Variants in TIPIN observed in about 807,000 individuals in gnomAD.
The protein encoded by TIPIN is TIMELESS-interacting protein.
A neutral mutation model predicts 35.6 loss-of-function variants in TIPIN; 29 were observed. That is an observed-to-expected ratio of 0.82 (90% CI 0.61 to 1.11). The LOEUF (loss-of-function observed/expected upper bound fraction) is 1.11, where lower values mean the gene tolerates loss of function less well. TIPIN is among the 50% of genes most tolerant of loss of function. The pLI, the probability that TIPIN is intolerant of heterozygous loss-of-function variation, is 0.00. For synonymous variants in TIPIN, 102 were observed against 121.5 expected (o/e 0.84, Z 1.06); for missense variants, 296 against 345.4 (o/e 0.86, Z 1.13).
intron 1 of TIPIN, chr15:66,371,261 T>C: frequency 1.0e-6 from 1 of 985,114 alleles, no homozygotes; most frequent in Non-Finnish European, 1.2e-6. Flanking sequence ...GTTGTATACT[T>C]TTCTGGTCTC....
intron 1 of TIPIN, among the ~76,000 whole-genome samples, chr15:66,376,202 TGAA>T (rs1432828096): frequency 1.3e-5 from 2 of 152,214 alleles, no homozygotes. Context: ...TCATACATTT[TGAA>T]GATCTTTCTA....
At chr15:66,344,289 G>T (rs906221542) in intron 6 of TIPIN, among the ~76,000 whole-genome samples, 3 of 151,928 alleles carry the variant, frequency 2.0e-5, no homozygotes, top group African/African-American at 7.3e-5. Context: ...TGAACTCAAA[G>T]AACTAATTTT....
intron 1 of TIPIN, chr15:66,382,368 ACTC>A (rs1342961806): frequency 1.0e-6 from 1 of 984,968 alleles, no homozygotes; most frequent in African/African-American, 1.8e-5. Context: ...AGTTAAATGT[ACTC>A]CTCAATTCTT....
chr15:66,346,352 C>A (rs2093125641), intron 6 of TIPIN, among the ~76,000 whole-genome samples: 1 of 151,486 alleles, frequency 6.6e-6, no homozygotes, highest in South Asian at 2.1e-4. Context: ...TTCAAAATCA[C>A]CTCTGCCTGA....
intron 1 of TIPIN, among the ~76,000 whole-genome samples, chr15:66,370,760 G>A (rs1273296268): frequency 1.3e-5 from 2 of 151,950 alleles, no homozygotes; most frequent in Non-Finnish European, 2.9e-5. Context: ...TTTTTATTTT[G>A]AATTTTCCAA....
chr15:66,346,935 G>C (rs1006438957), intron 6 of TIPIN, among the ~76,000 whole-genome samples: 1 of 151,932 alleles, frequency 6.6e-6, no homozygotes, highest in African/African-American at 2.4e-5. Context: ...GGGACTACAG[G>C]TGCCCGCCAC....
At chr15:66,375,070 G>A (rs2140494697) in intron 1 of TIPIN, among the ~76,000 whole-genome samples, 1 of 152,094 alleles carries the variant, frequency 6.6e-6, no homozygotes, top group Admixed American at 6.6e-5. Context: ...TTAATGCGTA[G>A]GGGTTCTTCA....
chr15:66,379,850 T>C (rs1269354182), intron 1 of TIPIN: 5 of 1,595,062 alleles, frequency 3.1e-6, no homozygotes, highest in Non-Finnish European at 4.2e-6. Flanking sequence ...TAACTGTGTG[T>C]CCCTTCAGAG....
At chr15:66,371,359 G>C (rs996947670) in intron 1 of TIPIN, 18 of 984,740 alleles carry the variant, frequency 1.8e-5, no homozygotes, top group Middle Eastern at 5.2e-4. Flanking sequence ...CTCAGAAGAC[G>C]TAAGTGTTTT....
At chr15:66,337,470 C>T (rs1378018905) in intron 7 of TIPIN, among the ~76,000 whole-genome samples, 3 of 151,634 alleles carry the variant, frequency 2.0e-5, no homozygotes, top group Non-Finnish European at 4.4e-5. Flanking sequence ...TACAGGTACC[C>T]GCCACTACAC....
chr15:66,348,991 C>CTGT, intron 6 of TIPIN, 69 bp downstream of exon 6: 1 of 1,254,406 alleles, frequency 8.0e-7, no homozygotes, highest in Admixed American at 2.0e-5. Flanking sequence ...AGGGTTGAGC[C>CTGT]ACCACACCCT....
rs975308351 is a variant in TIPIN, at chr15:66,344,589, G to A, written c.476-3233C>T. 9.3e-5 allele frequency among the ~76,000 whole-genome samples: 14 copies of A among 150,650 alleles called. 1 individual carries two copies. The highest frequency in any genetic ancestry group is 8.0e-4 in the Admixed American group (12 of 14,990). On this transcript the variant is annotated intron_variant, in intron 6 of 7. Coordinates refer to ENST00000261881, the MANE Select transcript of TIPIN (RefSeq NM_017858.3). Reference sequence around the variant, plus strand: ...TTTAAAGCTGGGTGCAGCAGCTCACGCCTATAATCCCAGCACTTTGGGAAC... The same window carrying A: ...TTTAAAGCTGGGTGCAGCAGCTCACACCTATAATCCCAGCACTTTGGGAAC...
chr15:66,348,435 G>T (rs2093142453), intron 6 of TIPIN: 1 of 150,266 alleles, frequency 6.7e-6, no homozygotes, highest in South Asian at 2.1e-4. Flanking sequence ...ACTTTGGGAG[G>T]CCAAGGTGGG....
chr15:66,360,056 A>C (rs1487412956), upstream of TIPIN, among the ~76,000 whole-genome samples: 1 of 152,070 alleles, frequency 6.6e-6, no homozygotes, highest in Non-Finnish European at 1.5e-5. Flanking sequence ...TATAGACATG[A>C]GTCACCCCGT....
chr15:66,377,125 A>AAAG (rs2093299892), intron 1 of TIPIN, among the ~76,000 whole-genome samples: 1 of 151,130 alleles, frequency 6.6e-6, no homozygotes, highest in African/African-American at 2.4e-5. Flanking sequence ...AAAAAAAAAA[A>AAAG]AGAGAGTGCA....
intron 1 of TIPIN, among the ~76,000 whole-genome samples, chr15:66,366,422 C>G (rs948243301): frequency 7.3e-5 from 11 of 151,544 alleles, no homozygotes; most frequent in African/African-American, 2.7e-4. Context: ...CCACTGTACT[C>G]TAGCCTGGGC....
In TIPIN at chr15:66,367,596, T is replaced by C. The variant is rs189991956; in HGVS notation, c.-8-14641A>G. Among the ~76,000 whole-genome samples the C allele has an allele frequency of 2.0e-5, 3 of 152,102 alleles. No homozygotes were observed. In the Admixed American group the frequency reaches 2.0e-4, roughly 10 times the overall value. On this transcript the variant is annotated intron_variant, in intron 1 of 7. Transcript: ENST00000562124. ...TTTTAGTAGAGATGGGATTTCACTA[T>C]GTTGTCCAGGCTTGTCTTGAAATCT...
At chr15:66,338,813 CAAAAAAAAAAAAA>C (rs35966273) in intron 7 of TIPIN, among the ~76,000 whole-genome samples, 4 of 35,292 alleles carry the variant, frequency 1.1e-4, no homozygotes, top group Non-Finnish European at 2.1e-4. Flanking sequence ...GACTCCGTCT[CAAAAAAAAAAAAA>C]AAAAAAAAAG....
chr15:66,348,734 C>T (rs2093145872), intron 6 of TIPIN, among the ~76,000 whole-genome samples: 1 of 151,822 alleles, frequency 6.6e-6, no homozygotes, highest in South Asian at 2.1e-4. Context: ...GGCTTGAGGC[C>T]AGGAGTGTGA....
Sources: allele counts gnomAD v4.1 joint callset (sites outside exome capture counted in the v4.1 genomes callset), GRCh38; gene constraint gnomAD v4.1.1; transcripts MANE v1.5; gene names NCBI Gene and HGNC (gene_info 2026-07-23, HGNC 2026-07-21).